MALRD1: variants seen among roughly 807,000 people sequenced by gnomAD.
The protein encoded by MALRD1 is MAM and LDL-receptor class A domain-containing protein 1.
MALRD1 carries 247 observed loss-of-function variants against 242.1 expected under a neutral mutation model. That is an observed-to-expected ratio of 1.02 (90% confidence interval 0.92 to 1.13). The LOEUF is 1.13. Ranked by LOEUF, MALRD1 falls within the 50% of genes most tolerant of loss-of-function variation. MALRD1 has a pLI of 0.00. For synonymous variants in MALRD1, 995 were observed against 866.6 expected, an observed-to-expected ratio of 1.15 and a Z score of -2.60; for missense variants, 2,989 against 2,533.1, an observed-to-expected ratio of 1.18 and a Z score of -3.86.
At chr10:19,483,594 C>A (rs1196680393) in intron 29 of MALRD1, among the ~76,000 whole-genome samples, 1 of 152,110 alleles carries the variant, frequency 6.6e-6, no homozygotes, top group African/African-American at 2.4e-5. Flanking sequence ...CAATGAGATA[C>A]CATTTCACAT....
intron 18 of MALRD1, among the ~76,000 whole-genome samples, chr10:19,227,549 C>G: frequency 6.6e-6 from 1 of 151,754 alleles, no homozygotes; most frequent in African/African-American, 2.4e-5. Flanking sequence ...AATAATCTTA[C>G]TATAGCTAAA....
chr10:19,283,679 G>T (rs952719504), intron 21 of MALRD1, among the ~76,000 whole-genome samples: 4 of 152,058 alleles, frequency 2.6e-5, no homozygotes, highest in African/African-American at 7.2e-5. Flanking sequence ...TAGGTGAAAA[G>T]ATTTTTCCAC....
chr10:19,474,945 T>A (rs1482335431), intron 29 of MALRD1, among the ~76,000 whole-genome samples: 1 of 152,146 alleles, frequency 6.6e-6, no homozygotes, highest in East Asian at 1.9e-4. Context: ...AAACAAGTAC[T>A]GAAAATTTTG....
At chr10:19,252,335 C>G (rs1344243628) in intron 18 of MALRD1, among the ~76,000 whole-genome samples, 1 of 152,044 alleles carries the variant, frequency 6.6e-6, no homozygotes, top group Admixed American at 6.6e-5. Context: ...TTAGTCTTCT[C>G]TATCGTAAAT....
chr10:19,381,240 C>A (rs1011045711), intron 26 of MALRD1, among the ~76,000 whole-genome samples: 1 of 151,230 alleles, frequency 6.6e-6, no homozygotes, highest in Non-Finnish European at 1.5e-5. Flanking sequence ...GACATGAACT[C>A]ATCAATTTTT....
rs142629017 is a variant in MALRD1 at position 19,643,951 on chromosome 10, T to C, written c.6137+28028T>C. The stretch of plus-strand genomic sequence containing the variant: ...CCCAGCTCCCTTCCTTCTGCACCAC[T>C]GTAGACTGTCCTTTAATGAGAGCCA... On this transcript the variant is annotated intron_variant, in intron 36 of 39. Coordinates refer to ENST00000454679, the MANE Select transcript of MALRD1 (RefSeq NM_001142308.3). Among the ~76,000 whole-genome samples, 622 of 152,308 alleles carry C rather than the reference T, an allele frequency of 4.1e-3. 4 individuals carry two copies. The highest frequency in any genetic ancestry group is 0.015 in the South Asian group (74 of 4,830).
chr10:19,236,399 C>T (rs1838319036), intron 18 of MALRD1, among the ~76,000 whole-genome samples: 1 of 152,168 alleles, frequency 6.6e-6, no homozygotes, highest in Non-Finnish European at 1.5e-5. Context: ...ATGGGGCAAC[C>T]TGTGACCACT....
rs1350921212 is a variant in MALRD1, at chr10:19,285,573, C to T, written c.3419+2392C>T. ...AGATCACATAGTTGTAGATATGCGG[C>T]GTTATTTCTGAGGGCTCTGTTCTGT... On this transcript the variant is annotated intron_variant, in intron 21 of 39. Transcript: ENST00000454679. Among the ~76,000 whole-genome samples the T allele has an allele frequency of 5.9e-5, 9 of 151,590 alleles. No homozygotes were observed. In the East Asian group the frequency reaches 7.8e-4, roughly 13 times the overall value.
chr10:19,511,849 A>C (rs1833415017), intron 31 of MALRD1, among the ~76,000 whole-genome samples: 1 of 152,158 alleles, frequency 6.6e-6, no homozygotes, highest in South Asian at 2.1e-4. Flanking sequence ...AACACAGAGA[A>C]AAAATAAAAA....
intron 33 of MALRD1, among the ~76,000 whole-genome samples, chr10:19,583,817 A>C (rs1837251094): frequency 6.6e-6 from 1 of 151,728 alleles, no homozygotes. Flanking sequence ...TCCTCCTTGT[A>C]CCTCTGGTAG....
chr10:19,691,373 T>C (rs1842813451), intron 36 of MALRD1, among the ~76,000 whole-genome samples: 1 of 152,086 alleles, frequency 6.6e-6, no homozygotes, highest in Non-Finnish European at 1.5e-5. Flanking sequence ...TTTTCAAATT[T>C]AAAAGTGATT....
At position 19,309,579 on chromosome 10, in the gene MALRD1, A is replaced by G. The variant is rs375419165; in HGVS notation, c.3420-14370A>G. ...AGGTGAGATAGTCAAAGACAGATTGAAAGTAAGTAGAGACTGTGTGAACAG... is the reference window on the plus strand; with the variant it reads ...AGGTGAGATAGTCAAAGACAGATTGGAAGTAAGTAGAGACTGTGTGAACAG... On this transcript the variant is annotated intron_variant, in intron 21 of 39. Transcript: ENST00000454679. Among the ~76,000 whole-genome samples the G allele has an allele frequency of 5.9e-5, 9 of 151,666 alleles. No homozygotes were observed. The South Asian group carries it at 1.0e-3, about 17-fold the overall frequency.
At position 19,355,858 on chromosome 10, in the gene MALRD1, T is replaced by TATGATATATATATATA. The variant is rs57813656; in HGVS notation, c.4441+3561_4441+3562insATGATATATATATATA. 6.3e-5 allele frequency among the ~76,000 whole-genome samples: 6 copies of TATGATATATATATATA among 94,924 alleles called. 1 individual carries two copies. The highest frequency in any genetic ancestry group is 1.8e-4 in the African/African-American group (5 of 27,164). 62.3% of individuals were successfully genotyped at this position (94,924 alleles called of 152,430 possible). ...AGAACATATATTATATATATATATA[T>TATGATATATATATATA]TATATATGATATATATTAGCTAAGC... On this transcript the variant is annotated intron_variant, in intron 26 of 39. Transcript: ENST00000454679.
chr10:19,443,608 A>T (rs1834794042), intron 28 of MALRD1, among the ~76,000 whole-genome samples: 1 of 152,186 alleles, frequency 6.6e-6, no homozygotes, highest in African/African-American at 2.4e-5. Flanking sequence ...CAGGTTGTTC[A>T]GTTTCCATGT....
chr10:19,451,367 G>T (rs10827461), intron 29 of MALRD1, among the ~76,000 whole-genome samples: 44 of 151,794 alleles, frequency 2.9e-4, no homozygotes, highest in Middle Eastern at 3.4e-3. Context: ...AAAAAGTACC[G>T]CCATTTATCA....
intron 26 of MALRD1, among the ~76,000 whole-genome samples, chr10:19,379,753 T>C (rs1488572915): frequency 1.3e-5 from 2 of 152,112 alleles, no homozygotes; most frequent in South Asian, 2.1e-4. Context: ...GTATATTCTG[T>C]TCTTGTTTGG....
intron 28 of MALRD1, among the ~76,000 whole-genome samples, chr10:19,397,198 A>G (rs575781237): frequency 1.3e-5 from 2 of 152,124 alleles, no homozygotes; most frequent in African/African-American, 2.4e-5. Flanking sequence ...ACTTATTCCT[A>G]CTAACTGTAA....
intron 21 of MALRD1, among the ~76,000 whole-genome samples, chr10:19,306,608 T>C (rs1343122609): frequency 6.7e-6 from 1 of 150,010 alleles, no homozygotes; most frequent in African/African-American, 2.4e-5. Flanking sequence ...TAATTGTGTA[T>C]ATATATATGT....
intron 29 of MALRD1, among the ~76,000 whole-genome samples, chr10:19,480,427 C>G (rs1215352494): frequency 6.6e-6 from 1 of 152,078 alleles, no homozygotes; most frequent in Non-Finnish European, 1.5e-5. Flanking sequence ...AAAGTCTGGA[C>G]TGGAAAAGGA....
Sources: gnomAD v4.1 joint callset for allele counts (sites outside exome capture counted in the v4.1 genomes callset) on GRCh38, gnomAD v4.1.1 for gene constraint, MANE v1.5 for transcripts, NCBI Gene and HGNC (gene_info 2026-07-23, HGNC 2026-07-21) for gene names.